The following SKIC8 variants were observed in gnomAD, a reference collection of about 807,000 sequenced individuals.
SKIC8 encodes SKI8 subunit of superkiller complex, also known as superkiller complex protein 8.
the SKIC8 span, chr15:78,293,459 A>T: frequency 1.8e-6 from 1 of 548,030 alleles, no homozygotes; most frequent in Admixed American, 3.2e-5. Flanking sequence ...TGAAGAAGCT[A>T]CTTGCCCTAA....
chr15:78,285,788 T>G, the SKIC8 span: 1 of 471,898 alleles, frequency 2.1e-6, no homozygotes, highest in Non-Finnish European at 3.8e-6. Context: ...AAGTCTACCT[T>G]AGAGTCACTT....
the SKIC8 span, chr15:78,295,680 T>C: frequency 5.1e-6 from 8 of 1,574,054 alleles, no homozygotes; most frequent in Non-Finnish European, 6.9e-6. Context: ...CTTACCTGGT[T>C]GGTCATTTCC....
the SKIC8 span, among the ~76,000 whole-genome samples, chr15:78,298,135 G>A: frequency 6.6e-6 from 1 of 152,106 alleles, no homozygotes; most frequent in Non-Finnish European, 1.5e-5. Context: ...TAATGGGAAT[G>A]GTATTCAACC....
At chr15:78,287,306 T>C in the SKIC8 span, among the ~76,000 whole-genome samples, 2 of 134,702 alleles carry the variant, frequency 1.5e-5, no homozygotes, top group African/African-American at 5.5e-5. Context: ...CCCTCTGGGC[T>C]ACAGCACCCT....
the SKIC8 span, chr15:78,295,799 C>T: frequency 7.7e-7 from 1 of 1,290,896 alleles, no homozygotes. Flanking sequence ...TTCCCCTTGA[C>T]CAAGAAAATA....
chr15:78,294,864 T>C, the SKIC8 span: 1 of 1,559,992 alleles, frequency 6.4e-7, no homozygotes. Flanking sequence ...ACTGCATGTC[T>C]GGTCAGCATG....
the SKIC8 span, chr15:78,285,611 G>A: frequency 1.9e-6 from 1 of 538,424 alleles, no homozygotes; most frequent in Admixed American, 3.1e-5. Context: ...GCCTGTTAAA[G>A]CTTCAAAACC....
the SKIC8 span, chr15:78,295,449 T>G: frequency 3.2e-6 from 2 of 621,500 alleles, no homozygotes; most frequent in African/African-American, 3.7e-5. Flanking sequence ...CTTCTATTAC[T>G]CACTAAATTG....
chr15:78,295,367 GAT>G, the SKIC8 span: 716 of 583,820 alleles, frequency 1.2e-3, 7 homozygotes, highest in African/African-American at 0.012. Flanking sequence ...TTATTACAAA[GAT>G]ATGTTTCTCC....
the SKIC8 span, among the ~76,000 whole-genome samples, chr15:78,287,674 G>C: frequency 6.6e-6 from 1 of 152,156 alleles, no homozygotes; most frequent in African/African-American, 2.4e-5. Context: ...CACATTACAG[G>C]GGATACCTCA....
the SKIC8 span, chr15:78,295,050 C>T: frequency 3.2e-6 from 5 of 1,558,802 alleles, no homozygotes; most frequent in Non-Finnish European, 4.4e-6. Flanking sequence ...AAGCACTCCT[C>T]CCCGAGTAGA....
chr15:78,284,494 T>G, the SKIC8 span: 1 of 152,228 alleles, frequency 6.6e-6, no homozygotes, highest in East Asian at 1.9e-4. Context: ...CATGGACATT[T>G]TATTTTTTAT....
chr15:78,288,215 C>G, the SKIC8 span: 1 of 1,518,026 alleles, frequency 6.6e-7, no homozygotes. Flanking sequence ...AGGGCTCCTC[C>G]CTAGGGCTCC....
At chr15:78,283,455 G>T in the SKIC8 span, 22 of 1,613,682 alleles carry the variant, frequency 1.4e-5, no homozygotes, top group Non-Finnish European at 1.9e-5. Flanking sequence ...TCATAGATGT[G>T]AATTTCCTGG....
At chr15:78,285,936 C>A in the SKIC8 span, 1 of 916,966 alleles carries the variant, frequency 1.1e-6, no homozygotes, top group Non-Finnish European at 1.6e-6. Context: ...GAAAGGCTAA[C>A]TGAATAAAAA....
the SKIC8 span, chr15:78,290,111 A>G: frequency 6.2e-7 from 1 of 1,604,462 alleles, no homozygotes; most frequent in Non-Finnish European, 8.5e-7. Flanking sequence ...TGAACAGAAA[A>G]AAGAAGGACA....
At chr15:78,285,353 T>C in the SKIC8 span, 3 of 1,613,166 alleles carry the variant, frequency 1.9e-6, no homozygotes, top group South Asian at 1.1e-5. Context: ...TTTTAAAAAG[T>C]GAACATTAGT....
the SKIC8 span, chr15:78,293,269 T>A: frequency 6.2e-7 from 1 of 1,614,100 alleles, no homozygotes; most frequent in South Asian, 1.1e-5. Flanking sequence ...GGCATCATCA[T>A]GGGCTAGAAT....
the SKIC8 span, chr15:78,295,553 A>T: frequency 3.7e-6 from 5 of 1,341,556 alleles, no homozygotes; most frequent in South Asian, 5.9e-5. Flanking sequence ...AGGGTCACCC[A>T]GCTCTTTAGG....
Sources: allele counts gnomAD v4.1 joint callset (sites outside exome capture counted in the v4.1 genomes callset), GRCh38; gene constraint gnomAD v4.1.1; transcripts MANE v1.5; gene names NCBI Gene and HGNC (gene_info 2026-07-23, HGNC 2026-07-21).